The following NAV2 variants were observed in gnomAD, a reference collection of about 807,000 sequenced individuals.
NAV2 encodes the protein helicase, APC down-regulated 1.
In NAV2, 54 loss-of-function variants were observed where a neutral mutation model predicts 223.2. The observed-to-expected ratio is 0.24, with a 90% CI of 0.19 to 0.30. NAV2 has a LOEUF of 0.30. Ranked by LOEUF, NAV2 falls within the 10% of genes least tolerant of loss-of-function variation. NAV2 has a pLI of 1.00. For missense variants in NAV2, 2,806 were observed against 3,147.5 expected, an observed-to-expected ratio of 0.89 and a Z score of 2.60; for synonymous variants, 1,279 against 1,239.3, an observed-to-expected ratio of 1.03 and a Z score of -0.67.
chr11:20,106,892 G>A (rs1453586189), intron 35 of NAV2, among the ~76,000 whole-genome samples: 4 of 151,158 alleles, frequency 2.6e-5, no homozygotes, highest in Admixed American at 6.6e-5. Context: ...GTGTTCCACC[G>A]GCCTCGGCCT....
chr11:19,429,473 C>T (rs11025135), intron 1 of NAV2, among the ~76,000 whole-genome samples: 27,974 of 152,136 alleles, frequency 0.18, 3,202 homozygotes, highest in Non-Finnish European at 0.25. Flanking sequence ...GAGTGACCTT[C>T]GGCAGTAGGA....
intron 11 of NAV2, among the ~76,000 whole-genome samples, chr11:19,995,168 G>A (rs140065899): frequency 2.0e-5 from 3 of 152,318 alleles, no homozygotes; most frequent in Non-Finnish European, 2.9e-5. Context: ...GTTCATTTGT[G>A]TGGTCAGCCC....
intron 3 of NAV2, among the ~76,000 whole-genome samples, chr11:19,858,675 A>G (rs2061518858): frequency 6.6e-6 from 1 of 152,212 alleles, no homozygotes; most frequent in Admixed American, 6.5e-5. Flanking sequence ...CTATTTGCCT[A>G]AAAGGTCTTA....
intron 1 of NAV2, among the ~76,000 whole-genome samples, chr11:19,817,898 A>G (rs2059176202): frequency 6.6e-6 from 1 of 152,084 alleles, no homozygotes; most frequent in South Asian, 2.1e-4. Flanking sequence ...AGCACCAGTA[A>G]GAATACAGAT....
intron 24 of NAV2, among the ~76,000 whole-genome samples, chr11:20,078,846 T>C (rs2059921288): frequency 1.3e-5 from 2 of 152,184 alleles, no homozygotes. Context: ...ATAACAATAA[T>C]ATTAACAGTA....
intron 11 of NAV2, among the ~76,000 whole-genome samples, chr11:20,006,640 A>G (rs112832067): frequency 0.047 from 7,086 of 152,160 alleles, 221 homozygotes; most frequent in South Asian, 0.13. Context: ...GCACCATTGC[A>G]CTCCAGCCTG....
At chr11:19,971,115 T>C (rs2049199398) in intron 10 of NAV2, among the ~76,000 whole-genome samples, 1 of 152,180 alleles carries the variant, frequency 6.6e-6, no homozygotes, top group Non-Finnish European at 1.5e-5. Flanking sequence ...ACAAGTGTTT[T>C]AGTCATTGAG....
chr11:19,505,733 G>A (rs998146215), intron 1 of NAV2: 2 of 152,208 alleles, frequency 1.3e-5, no homozygotes, highest in African/African-American at 4.8e-5. Context: ...CCTAAATGAA[G>A]TTCCACCACA....
At chr11:19,454,337 C>T (rs1851888987) in intron 1 of NAV2, among the ~76,000 whole-genome samples, 1 of 152,180 alleles carries the variant, frequency 6.6e-6, no homozygotes, top group South Asian at 2.1e-4. Flanking sequence ...ATAGCTGCCT[C>T]AATGCTGGCT....
At chr11:19,715,093 A>G (rs2050192570) in intron 1 of NAV2, among the ~76,000 whole-genome samples, 1 of 152,146 alleles carries the variant, frequency 6.6e-6, no homozygotes, top group Non-Finnish European at 1.5e-5. Context: ...CAGAGGCTAG[A>G]GCTCAACACG....
At chr11:20,028,929 T>A (rs1432674998) in intron 11 of NAV2, among the ~76,000 whole-genome samples, 1 of 152,202 alleles carries the variant, frequency 6.6e-6, no homozygotes, top group East Asian at 1.9e-4. Context: ...GTAGCACATG[T>A]GAACTGAAAG....
intron 1 of NAV2, among the ~76,000 whole-genome samples, chr11:19,374,772 G>C (rs996750524): frequency 1.3e-5 from 2 of 152,084 alleles, no homozygotes; most frequent in African/African-American, 4.8e-5. Flanking sequence ...ACGTTCTCCC[G>C]CTTTGTTCTC....
At chr11:19,383,181 C>T (rs1449884370) in intron 1 of NAV2, among the ~76,000 whole-genome samples, 3 of 152,208 alleles carry the variant, frequency 2.0e-5, no homozygotes, top group African/African-American at 7.2e-5. Flanking sequence ...ACAGCCCCAC[C>T]ACACACCCCT....
chr11:20,027,542 G>A (rs753701862), intron 11 of NAV2: 31 of 861,014 alleles, frequency 3.6e-5, no homozygotes, highest in East Asian at 1.2e-4. Context: ...ACAGAGGGGC[G>A]GGGGCTGGCC....
intron 6 of NAV2, among the ~76,000 whole-genome samples, chr11:19,921,813 G>A (rs1389423929): frequency 6.6e-6 from 1 of 152,154 alleles, no homozygotes; most frequent in Non-Finnish European, 1.5e-5. Flanking sequence ...TTTATAGCAC[G>A]AATAAAAGAA....
Position 20,036,088 on chromosome 11 carries a change from G to T in NAV2, c.2898G>T (p.Leu966=). The change falls in exon 12 of 38, where the codon CTG becomes CTT. Residue 966 remains leucine, a synonymous_variant. Coordinates refer to ENST00000349880, the MANE Select transcript of NAV2 (RefSeq NM_145117.5). The stretch of plus-strand genomic sequence containing the variant: ...CACCTGCCTCCTCTCGAAAAAACCT[G>T]GATGTGCAGGTGAGGAACACAGGCC... ...ANTPASSRKN[L]DVQTDAEKHS... 1 of 1,614,206 alleles carries T rather than the reference G, an allele frequency of 6.2e-7. No homozygotes were observed. Among genetic ancestry groups the T allele is most frequent in the Non-Finnish European group, 8.5e-7 (1 of 1,180,024 alleles).
intron 1 of NAV2, among the ~76,000 whole-genome samples, chr11:19,455,713 C>T (rs1241123784): frequency 6.6e-6 from 1 of 152,214 alleles, no homozygotes; most frequent in Non-Finnish European, 1.5e-5. Context: ...AGAATCAGAA[C>T]TCATGCTCTT....
At chr11:19,533,477 T>C (rs1406940268) in intron 1 of NAV2, among the ~76,000 whole-genome samples, 4 of 152,144 alleles carry the variant, frequency 2.6e-5, no homozygotes, top group Admixed American at 2.6e-4. Context: ...CAGCTGACCA[T>C]GTCCACACAT....
At chr11:19,480,312 C>T (rs1319469653) in intron 1 of NAV2, among the ~76,000 whole-genome samples, 2 of 152,022 alleles carry the variant, frequency 1.3e-5, no homozygotes, top group Non-Finnish European at 2.9e-5. Context: ...CTTTGGGGGA[C>T]ACTACCCATT....
Sources: gnomAD v4.1 joint callset for allele counts (sites outside exome capture counted in the v4.1 genomes callset) on GRCh38, gnomAD v4.1.1 for gene constraint, MANE v1.5 for transcripts, NCBI Gene and HGNC (gene_info 2026-07-23, HGNC 2026-07-21) for gene names.